UBE2G1: variants seen among roughly 807,000 people sequenced by gnomAD.
UBE2G1 encodes the protein ubiquitin conjugating enzyme E2 G1.
UBE2G1 carries 5 observed loss-of-function variants against 22.7 expected under a neutral mutation model. That is an observed-to-expected ratio of 0.22 (90% CI 0.12 to 0.46). The LOEUF (loss-of-function observed/expected upper bound fraction) is 0.46. UBE2G1 is among the 20% of genes least tolerant of loss of function. UBE2G1 has a pLI of 0.99. For synonymous variants in UBE2G1, 74 were observed against 67.5 expected, an observed-to-expected ratio of 1.10 and a Z score of -0.47; for missense variants, 88 against 203.9, an observed-to-expected ratio of 0.43 and a Z score of 3.46.
At chr17:4,317,620 TCC>T (rs1472808617) in intron 1 of UBE2G1, among the ~76,000 whole-genome samples, 2 of 152,174 alleles carry the variant, frequency 1.3e-5, no homozygotes, top group Non-Finnish European at 2.9e-5. Context: ...TCAGAGATGA[TCC>T]CTTAAAAAGA....
At chr17:4,346,602 AT>A (rs1969777716) in intron 1 of UBE2G1, among the ~76,000 whole-genome samples, 1 of 151,094 alleles carries the variant, frequency 6.6e-6, no homozygotes, top group South Asian at 2.1e-4. Flanking sequence ...TGCCCGGCTA[AT>A]TTTTGTATTT....
At chr17:4,313,625 T>TTC (rs71832912) in intron 1 of UBE2G1, among the ~76,000 whole-genome samples, 3,723 of 149,952 alleles carry the variant, frequency 0.025, 98 homozygotes, top group African/African-American at 0.067. Flanking sequence ...ACGATAGTAT[T>TTC]TCTCTCTCTC....
chr17:4,333,298 T>C (rs1209927431), intron 1 of UBE2G1, among the ~76,000 whole-genome samples: 2 of 152,176 alleles, frequency 1.3e-5, no homozygotes. Context: ...ATGTAAAGAA[T>C]GTGTGTATCT....
At chr17:4,323,512 A>T (rs754936817) in intron 1 of UBE2G1, among the ~76,000 whole-genome samples, 1 of 152,222 alleles carries the variant, frequency 6.6e-6, no homozygotes, top group Non-Finnish European at 1.5e-5. Flanking sequence ...GCTGACCTCC[A>T]AAGTTTAGAG....
intron 1 of UBE2G1, among the ~76,000 whole-genome samples, chr17:4,335,994 A>G (rs1969641064): frequency 6.6e-6 from 1 of 152,058 alleles, no homozygotes; most frequent in Admixed American, 6.6e-5. Context: ...AAAAATACAA[A>G]AATTAGCCGG....
rs1968752364 is a variant in UBE2G1, at chr17:4,270,993, T to C, written c.*1561A>G. 6.6e-6 allele frequency: 1 copy of C among 152,208 alleles called. No individual in the cohort carries two copies. The highest frequency in any genetic ancestry group is 2.1e-4 in the South Asian group (1 of 4,836). 9.4% of individuals were successfully genotyped at this position (152,208 alleles called of 1,614,324 possible). ...CACTGATTCTCACAATCAAACACCA[T>C]GTCCCATCTGCTACTGTCTCAAGTT... On this transcript the variant is annotated 3_prime_UTR_variant, in exon 6 of 6. Transcript: ENST00000396981.
chr17:4,307,696 T>C (rs550000140), intron 1 of UBE2G1, among the ~76,000 whole-genome samples: 25 of 152,288 alleles, frequency 1.6e-4, no homozygotes, highest in Admixed American at 1.4e-3. Context: ...ATGTCTTGTC[T>C]GTATATGTCG....
At chr17:4,353,027 G>A (rs778953331) in intron 1 of UBE2G1, among the ~76,000 whole-genome samples, 10 of 152,108 alleles carry the variant, frequency 6.6e-5, no homozygotes, top group Non-Finnish European at 1.5e-4. Context: ...GACCATCCTG[G>A]CCAACACAGT....
rs2325986 is a variant in UBE2G1 at position 4,295,935 on chromosome 17, C to G, written c.247+782G>C. 5.4e-5 allele frequency among the ~76,000 whole-genome samples: 8 copies of G among 146,836 alleles called. No individual in the cohort carries two copies. In the East Asian group the frequency reaches 1.4e-3, roughly 25 times the overall value. On this transcript the variant is annotated intron_variant, in intron 3 of 5. Coordinates refer to ENST00000396981, the MANE Select transcript of UBE2G1 (RefSeq NM_003342.5). ...TGTCATCACTACGTGCACAGCCATA[C>G]TAGATGCTTTCCAGGCTTAAAAAAT...
At chr17:4,287,478 G>T (rs535054490) in intron 4 of UBE2G1, among the ~76,000 whole-genome samples, 4 of 152,152 alleles carry the variant, frequency 2.6e-5, no homozygotes, top group Admixed American at 1.3e-4. Flanking sequence ...CTCTCAAAAT[G>T]ATTTCCTAGG....
chr17:4,329,109 GAAA>G (rs56962666), intron 1 of UBE2G1, among the ~76,000 whole-genome samples: 3,835 of 91,718 alleles, frequency 0.042, 217 homozygotes, highest in African/African-American at 0.15. Flanking sequence ...GTCTCAAAAA[GAAA>G]AAAAAAAAAA....
chr17:4,363,122 A>G (rs1166666033), intron 1 of UBE2G1, among the ~76,000 whole-genome samples: 1 of 152,202 alleles, frequency 6.6e-6, no homozygotes, highest in Non-Finnish European at 1.5e-5. Flanking sequence ...CTCTGTCTCA[A>G]AAATAAAATA....
chr17:4,365,704 C>T (rs1050952098), intron 1 of UBE2G1, among the ~76,000 whole-genome samples: 11 of 152,170 alleles, frequency 7.2e-5, no homozygotes, highest in Admixed American at 2.6e-4. Context: ...CCGGCACCCT[C>T]GCGCCCGCGT....
chr17:4,324,677 CA>C (rs898095589), intron 1 of UBE2G1, among the ~76,000 whole-genome samples: 14 of 152,064 alleles, frequency 9.2e-5, no homozygotes, highest in Admixed American at 7.2e-4. Flanking sequence ...CTCAGCCTCC[CA>C]AAATGCTGGG....
chr17:4,306,883 C>T lies in UBE2G1; in HGVS notation c.149+138G>A, dbSNP rs1242444419. 4 of 609,062 alleles carry T rather than the reference C, an allele frequency of 6.6e-6. No homozygotes were observed. In the African/African-American group the frequency reaches 7.6e-5, roughly 12 times the overall value. 37.7% of individuals were successfully genotyped at this position (609,062 alleles called of 1,614,324 possible). The stretch of plus-strand genomic sequence containing the variant: ...GCCAGGCTGGTCTCGAACTCCTGAC[C>T]TCATGATCGGCCCGCCTTGGCCTCC... On this transcript the variant is annotated intron_variant, in intron 2 of 5. Transcript: ENST00000396981.
chr17:4,349,125 A>G (rs1479982308), intron 1 of UBE2G1, among the ~76,000 whole-genome samples: 2 of 152,078 alleles, frequency 1.3e-5, no homozygotes, highest in African/African-American at 4.8e-5. Flanking sequence ...GTTTGAAAAC[A>G]GCCTGACCAA....
At chr17:4,280,136 A>C (rs1255250422) in intron 5 of UBE2G1, among the ~76,000 whole-genome samples, 1 of 151,036 alleles carries the variant, frequency 6.6e-6, no homozygotes, top group Non-Finnish European at 1.5e-5. Flanking sequence ...CCTGGGTTCA[A>C]GTGATTCTCC....
chr17:4,359,095 G>C, intron 1 of UBE2G1, among the ~76,000 whole-genome samples: 1 of 151,900 alleles, frequency 6.6e-6, no homozygotes, highest in South Asian at 2.1e-4. Context: ...CAAAAGCAAA[G>C]GAAAAGTGTC....
intron 2 of UBE2G1, chr17:4,301,470 A>G: frequency 2.5e-6 from 2 of 786,746 alleles, no homozygotes; most frequent in Non-Finnish European, 4.6e-6. Flanking sequence ...TTTTTGCTAT[A>G]ATAATCCTGC....
Sources: allele counts gnomAD v4.1 joint callset (sites outside exome capture counted in the v4.1 genomes callset), GRCh38; gene constraint gnomAD v4.1.1; transcripts MANE v1.5; gene names NCBI Gene and HGNC (gene_info 2026-07-23, HGNC 2026-07-21).